The following ATOSA variants were observed in gnomAD, a reference collection of about 807,000 sequenced individuals.
ATOSA encodes the protein atos homolog A.
chr15:52,594,959 T>C, the ATOSA span, among the ~76,000 whole-genome samples: 1 of 152,202 alleles, frequency 6.6e-6, no homozygotes, highest in African/African-American at 2.4e-5. Flanking sequence ...ACCATGCCTC[T>C]CATTTCATCT....
the ATOSA span, among the ~76,000 whole-genome samples, chr15:52,621,568 G>A: frequency 2.0e-5 from 3 of 152,222 alleles, no homozygotes; most frequent in Non-Finnish European, 2.9e-5. Context: ...CCAGTGGGAG[G>A]TAATTGAACC....
chr15:52,623,142 G>A, the ATOSA span, among the ~76,000 whole-genome samples: 1 of 149,284 alleles, frequency 6.7e-6, no homozygotes, highest in Non-Finnish European at 1.5e-5. Context: ...CTGGGCAACA[G>A]AGTGAGACTC....
At chr15:52,581,975 GT>G in the ATOSA span, 1 of 513,670 alleles carries the variant, frequency 1.9e-6, no homozygotes, top group Non-Finnish European at 3.3e-6. Context: ...TAGGACATGA[GT>G]TTTTCCAGTC....
At chr15:52,673,300 C>T in the ATOSA span, among the ~76,000 whole-genome samples, 2 of 152,196 alleles carry the variant, frequency 1.3e-5, no homozygotes, top group Non-Finnish European at 2.9e-5. Flanking sequence ...TGGAGTTTTC[C>T]TCAAGTATTT....
At chr15:52,596,189 A>G in the ATOSA span, among the ~76,000 whole-genome samples, 2 of 152,172 alleles carry the variant, frequency 1.3e-5, no homozygotes, top group Non-Finnish European at 1.5e-5. Context: ...ATAAAAGAAT[A>G]TATAAATAAA....
the ATOSA span, among the ~76,000 whole-genome samples, chr15:52,597,804 G>A: frequency 2.0e-5 from 3 of 152,164 alleles, no homozygotes; most frequent in African/African-American, 7.2e-5. Context: ...TATGTAAAAT[G>A]TGAATTGTCT....
At chr15:52,582,396 A>C in the ATOSA span, 1 of 1,142,804 alleles carries the variant, frequency 8.8e-7, no homozygotes. Context: ...AGGAAGAACA[A>C]ATCTTGCTAC....
chr15:52,636,997 G>GA, the ATOSA span, among the ~76,000 whole-genome samples: 1 of 152,142 alleles, frequency 6.6e-6, no homozygotes, highest in Non-Finnish European at 1.5e-5. Context: ...CTCAGTTGGA[G>GA]AAATGGTACC....
At chr15:52,618,734 G>A in the ATOSA span, among the ~76,000 whole-genome samples, 1 of 152,032 alleles carries the variant, frequency 6.6e-6, no homozygotes, top group Non-Finnish European at 1.5e-5. Flanking sequence ...GCCCAGGTTG[G>A]AGTGCAGTGG....
chr15:52,677,142 T>G, the ATOSA span, among the ~76,000 whole-genome samples: 1 of 152,154 alleles, frequency 6.6e-6, no homozygotes, highest in Non-Finnish European at 1.5e-5. Flanking sequence ...TATATAAATT[T>G]TAAAATAAGC....
the ATOSA span, among the ~76,000 whole-genome samples, chr15:52,593,892 T>C: frequency 9.2e-5 from 14 of 152,350 alleles, no homozygotes; most frequent in Admixed American, 2.6e-4. Context: ...GTTGTTACCA[T>C]TGCCATGTCC....
chr15:52,671,479 T>C, the ATOSA span, among the ~76,000 whole-genome samples: 2 of 152,220 alleles, frequency 1.3e-5, no homozygotes, highest in Admixed American at 6.5e-5. Flanking sequence ...GCACCTACCA[T>C]GTACAAGACT....
the ATOSA span, among the ~76,000 whole-genome samples, chr15:52,621,661 C>T: frequency 7.2e-5 from 11 of 151,964 alleles, no homozygotes; most frequent in African/African-American, 1.7e-4. Flanking sequence ...TTTTATAAAG[C>T]GGAGTTCCCC....
chr15:52,638,145 G>T, the ATOSA span, among the ~76,000 whole-genome samples: 4 of 152,282 alleles, frequency 2.6e-5, no homozygotes, highest in African/African-American at 7.2e-5. Context: ...ATCTTGGTTT[G>T]ATGAATAGCA....
the ATOSA span, among the ~76,000 whole-genome samples, chr15:52,680,973 G>A: frequency 6.6e-6 from 1 of 152,110 alleles, no homozygotes; most frequent in Non-Finnish European, 1.5e-5. Context: ...TATTGTAAAA[G>A]GCTTACTGGG....
At chr15:52,627,019 C>A in the ATOSA span, among the ~76,000 whole-genome samples, 1 of 152,142 alleles carries the variant, frequency 6.6e-6, no homozygotes, top group Non-Finnish European at 1.5e-5. Flanking sequence ...TGCTTTCCTG[C>A]CGGAATGCTC....
chr15:52,583,255 A>C, the ATOSA span, among the ~76,000 whole-genome samples: 1 of 152,230 alleles, frequency 6.6e-6, no homozygotes, highest in Non-Finnish European at 1.5e-5. Flanking sequence ...TACTCTGGCC[A>C]GTATTGGTTT....
the ATOSA span, among the ~76,000 whole-genome samples, chr15:52,654,143 G>GAT: frequency 6.6e-6 from 1 of 151,492 alleles, no homozygotes; most frequent in Non-Finnish European, 1.5e-5. Context: ...AAAGGGTAGT[G>GAT]ATATATCTAT....
the ATOSA span, among the ~76,000 whole-genome samples, chr15:52,633,964 T>C: frequency 6.6e-6 from 1 of 152,144 alleles, no homozygotes; most frequent in Non-Finnish European, 1.5e-5. Context: ...AAGGTTCTTA[T>C]ACTATACACA....
Sources: gnomAD v4.1 joint callset for allele counts (sites outside exome capture counted in the v4.1 genomes callset) on GRCh38, gnomAD v4.1.1 for gene constraint, MANE v1.5 for transcripts, NCBI Gene and HGNC (gene_info 2026-07-23, HGNC 2026-07-21) for gene names.